C17orf67: variants seen among roughly 807,000 people sequenced by gnomAD.
C17orf67 encodes chromosome 17 open reading frame 67.
C17orf67 carries 12 observed loss-of-function variants against 11.2 expected under a neutral mutation model. The observed-to-expected ratio is 1.07, with a 90% CI of 0.68 to 1.73. The LOEUF is 1.73. C17orf67 is among the 40% of genes most tolerant of loss of function. The pLI is 0.00. For synonymous variants in C17orf67, 59 were observed against 46.9 expected (o/e 1.26, Z -1.05); for missense variants, 115 against 113.5 (o/e 1.01, Z -0.06).
intron 2 of C17orf67, among the ~76,000 whole-genome samples, chr17:56,828,789 T>C (rs1567801878): frequency 2.7e-5 from 4 of 150,424 alleles, no homozygotes; most frequent in South Asian, 2.1e-4. Context: ...GAAAAGCAGC[T>C]TGCAGAAACA....
chr17:56,797,951 T>C (rs1905243099), intron 6 of C17orf67, among the ~76,000 whole-genome samples: 1 of 152,174 alleles, frequency 6.6e-6, no homozygotes, highest in Admixed American at 6.5e-5. Context: ...AAGAATAAAA[T>C]GTGATTTCTC....
At chr17:56,823,004 T>C (rs1442452718) in intron 4 of C17orf67, among the ~76,000 whole-genome samples, 1 of 152,236 alleles carries the variant, frequency 6.6e-6, no homozygotes, top group Non-Finnish European at 1.5e-5. Context: ...GTCAGCATCA[T>C]GTTCCTGATG....
chr17:56,811,757 C>T (rs915460986), intron 6 of C17orf67, among the ~76,000 whole-genome samples: 1 of 152,240 alleles, frequency 6.6e-6, no homozygotes, highest in Non-Finnish European at 1.5e-5. Context: ...TCTTGATCAG[C>T]ACGCACCACT....
rs548698669 is a variant in C17orf67 at position 56,832,307 on chromosome 17, G to C, written c.-557+591C>G. Among the ~76,000 whole-genome samples the C allele has an allele frequency of 2.6e-5, 4 of 152,232 alleles. No homozygotes were observed. The South Asian group carries it at 6.2e-4, about 24-fold the overall frequency. On this transcript the variant is annotated intron_variant, in intron 2 of 7. Coordinates refer to ENST00000397861, the MANE Select transcript of C17orf67 (RefSeq NM_001085430.4). ...ATAGGATGACCCCAGACCCCCTAAA[G>C]TATCTTCCTGGGAAAGCTGCCAAAA... is the stretch of plus-strand genomic sequence containing the variant.
intron 7 of C17orf67, among the ~76,000 whole-genome samples, chr17:56,793,864 C>G (rs1371272033): frequency 1.3e-5 from 2 of 152,216 alleles, no homozygotes; most frequent in Admixed American, 6.5e-5. Context: ...TAGAATAGAG[C>G]TCCAGCAGCT....
intron 6 of C17orf67, among the ~76,000 whole-genome samples, chr17:56,802,161 G>A (rs186901086): frequency 2.6e-5 from 4 of 152,148 alleles, no homozygotes; most frequent in African/African-American, 7.2e-5. Context: ...CTCCCTTTTC[G>A]CCTGGCCGTG....
intron 7 of C17orf67, among the ~76,000 whole-genome samples, chr17:56,792,918 A>G (rs1207071634): frequency 3.9e-4 from 2 of 5,106 alleles, no homozygotes; most frequent in African/African-American, 2.3e-3. Flanking sequence ...GGTGGTGGTG[A>G]TGATGGTGTG....
chr17:56,809,109 T>C (rs900021344), intron 6 of C17orf67, among the ~76,000 whole-genome samples: 2 of 152,028 alleles, frequency 1.3e-5, no homozygotes, highest in Non-Finnish European at 2.9e-5. Flanking sequence ...TTTGCCCAAG[T>C]CCACTTGTTT....
intron 7 of C17orf67, among the ~76,000 whole-genome samples, chr17:56,794,579 T>C (rs1007175209): frequency 5.9e-5 from 9 of 152,030 alleles, no homozygotes; most frequent in African/African-American, 1.7e-4. Context: ...GCTGGGCAGA[T>C]TGGCAGCCTT....
In C17orf67 at chr17:56,828,406, C is replaced by CA. The variant is rs920736085; in HGVS notation, c.-556-3086dup. On this transcript the variant is annotated intron_variant, in intron 2 of 7. Transcript: ENST00000397861. ...GGCAACAAGAGCAAAACTCTTGTCTCAAAAAAAAAAATGTGGATTCTGTGG... is the reference window on the plus strand; with the variant it reads ...GGCAACAAGAGCAAAACTCTTGTCTCAAAAAAAAAAAATGTGGATTCTGTGG... 9.6e-4 allele frequency among the ~76,000 whole-genome samples: 139 copies of CA among 145,128 alleles called. 1 individual carries two copies. Among genetic ancestry groups the CA allele is most frequent in the South Asian group, 1.8e-3 (8 of 4,570 alleles).
At chr17:56,828,024 G>C (rs1181176128) in intron 2 of C17orf67, among the ~76,000 whole-genome samples, 2 of 150,076 alleles carry the variant, frequency 1.3e-5, no homozygotes, top group South Asian at 4.2e-4. Flanking sequence ...AGCCAATATG[G>C]TGAAACCCCA....
At chr17:56,828,487 TAAC>T (rs1287460899) in intron 2 of C17orf67, among the ~76,000 whole-genome samples, 2 of 152,314 alleles carry the variant, frequency 1.3e-5, no homozygotes, top group East Asian at 1.9e-4. Flanking sequence ...TCCGCCTTCT[TAAC>T]AAGTTCCCTA....
At chr17:56,793,834 G>C (rs955786685) in intron 7 of C17orf67, among the ~76,000 whole-genome samples, 38 of 152,336 alleles carry the variant, frequency 2.5e-4, no homozygotes, top group Non-Finnish European at 4.7e-4. Flanking sequence ...GCCAAGCCCA[G>C]ACACACCAGA....
At chr17:56,827,851 T>C (rs1906080066) in intron 2 of C17orf67, among the ~76,000 whole-genome samples, 1 of 152,230 alleles carries the variant, frequency 6.6e-6, no homozygotes. Flanking sequence ...AACGTGGGCA[T>C]GGAGTATTTA....
intron 2 of C17orf67, among the ~76,000 whole-genome samples, chr17:56,830,214 G>T (rs59220674): frequency 6.6e-5 from 10 of 151,720 alleles, no homozygotes; most frequent in Non-Finnish European, 1.0e-4. Context: ...GCGTGGTGGC[G>T]GGCACCTGTA....
chr17:56,830,946 G>C (rs1335496613), intron 2 of C17orf67, among the ~76,000 whole-genome samples: 2 of 152,348 alleles, frequency 1.3e-5, no homozygotes, highest in South Asian at 2.1e-4. Flanking sequence ...GCCCTGAAGG[G>C]GGCATGAGTC....
chr17:56,825,939 C>CTGTG (rs565221662), intron 2 of C17orf67, among the ~76,000 whole-genome samples: 1,911 of 92,274 alleles, frequency 0.021, 37 homozygotes, highest in African/African-American at 0.065. Flanking sequence ...TGGGGGAAAC[C>CTGTG]TGTGAGTGTG....
At chr17:56,820,428 A>ACT (rs1905871340) in intron 4 of C17orf67, among the ~76,000 whole-genome samples, 1 of 152,084 alleles carries the variant, frequency 6.6e-6, no homozygotes, top group Non-Finnish European at 1.5e-5. Flanking sequence ...CGCAGGGCAC[A>ACT]CTCTCACACA....
At chr17:56,798,008 A>G (rs72837342) in intron 6 of C17orf67, among the ~76,000 whole-genome samples, 18,050 of 152,172 alleles carry the variant, frequency 0.12, 1,139 homozygotes, top group South Asian at 0.16. Flanking sequence ...TCCATCTTCT[A>G]GTGCAATCTC....
Sources: gnomAD v4.1 joint callset for allele counts (sites outside exome capture counted in the v4.1 genomes callset) on GRCh38, gnomAD v4.1.1 for gene constraint, MANE v1.5 for transcripts, NCBI Gene and HGNC (gene_info 2026-07-23, HGNC 2026-07-21) for gene names.